Variants in NOTCH4 observed in about 807,000 individuals in gnomAD.
NOTCH4 encodes notch receptor 4.
In NOTCH4, 138 loss-of-function variants were observed where a neutral mutation model predicts 189.0. The observed-to-expected ratio is 0.73, with a 90% CI of 0.64 to 0.84. The LOEUF is 0.84. Ranked by LOEUF, NOTCH4 falls within the 40% of genes least tolerant of loss-of-function variation. NOTCH4 has a pLI of 0.00. For missense variants in NOTCH4, 2,286 were observed against 2,605.4 expected (o/e 0.88, Z 2.67); for synonymous variants, 942 against 1,032.8 (o/e 0.91, Z 1.69).
chr6:32,195,017 G>A lies in NOTCH4; in HGVS notation c.*420C>T, dbSNP rs1211470647. 3.2e-5 allele frequency: 8 copies of A among 253,566 alleles called. No individual in the cohort carries two copies. The highest frequency in any genetic ancestry group is 6.1e-5 in the Non-Finnish European group (8 of 130,744). 15.7% of individuals were successfully genotyped at this position (253,566 alleles called of 1,614,324 possible). On this transcript the variant is annotated 3_prime_UTR_variant, in exon 30 of 30. Coordinates refer to ENST00000375023, the MANE Select transcript of NOTCH4 (RefSeq NM_004557.4). This position sits in a 1 kb window ranked among gnomAD's most constrained non-coding sequence, Gnocchi z 5.4. The stretch of plus-strand genomic sequence containing the variant: ...GGCCACTTTTCAGCACCTACACAGT[G>A]CCTGGCACATAGTAGGTGCCCAATA...
At position 32,202,152 on chromosome 6, in the gene NOTCH4, C is replaced by G. The variant is rs771496870; in HGVS notation, c.3679G>C (p.Gly1227Arg). 3 of 1,518,232 alleles carry G rather than the reference C, an allele frequency of 2.0e-6. No individual in the cohort carries two copies. Among genetic ancestry groups the G allele is most frequent in the Non-Finnish European group, 1.8e-6 (2 of 1,133,420 alleles). The allele number at this position is 1,518,232 out of a possible 1,614,324, so 94.0% of individuals were successfully genotyped here. The change falls in exon 21 of 30, where the codon GGG (glycine) becomes CGG (arginine). Residue 1227 changes from glycine (G) to arginine (R), a missense_variant. Transcript: ENST00000375023. The surrounding 1 kb of genome is among the most constrained non-coding windows in gnomAD (Gnocchi z 5.7). ...HSRCWLLFRDGQCHPQCDSEE... is the reference protein window; with the variant it reads ...HSRCWLLFRDRQCHPQCDSEE... Reference sequence around the variant, plus strand: ...GAGTCACACTGTGGGTGGCACTGCCCGTCCCGGAAGAGAAGCCAGCACCGA... The same window carrying G: ...GAGTCACACTGTGGGTGGCACTGCCGGTCCCGGAAGAGAAGCCAGCACCGA...
rs1788969921 is a variant in NOTCH4 at position 32,210,893 on chromosome 6, G to A, written c.2724C>T (p.Val908=). 4.3e-6 allele frequency: 7 copies of A among 1,610,312 alleles called. No individual in the cohort carries two copies. The highest frequency in any genetic ancestry group is 2.2e-5 in the East Asian group (1 of 44,834). ...GGCAGAAATAGGAGGGGCCGCTGTC[G>A]ACACAGAGGCCTCCATTGTGGCAAA... ...SSLCHNGGLC[V]DSGPSYFCHC... The change falls in exon 18 of 30, where the codon GTC becomes GTT. Residue 908 remains valine, a synonymous_variant. Coordinates refer to ENST00000375023, the MANE Select transcript of NOTCH4 (RefSeq NM_004557.4). The surrounding 1 kb of genome is among the most constrained non-coding windows in gnomAD (Gnocchi z 4.8).
rs762739152 is a variant in NOTCH4 at position 32,197,004 on chromosome 6, C to T, written c.5121G>A (p.Leu1707=). The change falls in exon 28 of 30, where the codon CTG becomes CTA. Residue 1707 remains leucine, a synonymous_variant. Coordinates refer to ENST00000375023, the MANE Select transcript of NOTCH4 (RefSeq NM_004557.4). ...GGTCTTCCACCGCCAGCCTGGCAGCCAGCATCAAGGGTGTGGTCCCGTCCT... is the reference window on the plus strand; with the variant it reads ...GGTCTTCCACCGCCAGCCTGGCAGCTAGCATCAAGGGTGTGGTCCCGTCCT... The part of the protein sequence containing the change: ...RTEDGTTPLM[L]AARLAVEDLV... 146 of 1,612,898 alleles carry T rather than the reference C, an allele frequency of 9.1e-5. No homozygotes were observed. The highest frequency in any genetic ancestry group is 1.2e-4 in the Non-Finnish European group (140 of 1,180,040).
rs755949146 is a variant in NOTCH4, at chr6:32,221,367, A to G, written c.452-42T>C. Reference sequence around the variant, plus strand: ...AGGGAGCCGTTTCTAGCATTGTACGAATTCTAGCCCATCTGAGGTTACCCA... The same window carrying G: ...AGGGAGCCGTTTCTAGCATTGTACGGATTCTAGCCCATCTGAGGTTACCCA... On this transcript the variant is annotated intron_variant, in intron 3 of 29. Transcript: ENST00000375023. This position sits in a 1 kb window ranked among gnomAD's most constrained non-coding sequence, Gnocchi z 4.3. 2 of 1,496,268 alleles carry G rather than the reference A, an allele frequency of 1.3e-6. No individual in the cohort carries two copies. Among genetic ancestry groups the G allele is most frequent in the South Asian group, 2.4e-5 (2 of 83,574 alleles). 92.7% of individuals were successfully genotyped at this position (1,496,268 alleles called of 1,614,324 possible).
Position 32,197,012 on chromosome 6 carries a change from A to C in NOTCH4, c.5113T>G (p.Leu1705Val). 1 of 1,612,908 alleles carries C rather than the reference A, an allele frequency of 6.2e-7. No homozygotes were observed. Among genetic ancestry groups the C allele is most frequent in the Admixed American group, 1.7e-5 (1 of 60,016 alleles). ...DARTEDGTTP[L>V]MLAARLAVED... The stretch of plus-strand genomic sequence containing the variant: ...ACCGCCAGCCTGGCAGCCAGCATCA[A>C]GGGTGTGGTCCCGTCCTCTGTGCGA... Residue 1705 changes from leucine (L) to valine (V), a missense_variant, in exon 28 of 30, where the codon TTG (leucine) becomes GTG (valine). Leu to Val is a conservative substitution (Grantham distance 32). Around this residue, in one of 2 missense-constraint regions of NOTCH4, gnomAD observed 1,903 missense variants for 2,261.9 expected, o/e 0.84. Transcript: ENST00000375023.
Position 32,194,983 on chromosome 6 carries a change from G to C in NOTCH4, c.*454C>G, listed in dbSNP as rs1787759812. The C allele has an allele frequency of 4.2e-6, 1 of 240,006 alleles. No homozygotes were observed. The highest frequency in any genetic ancestry group is 8.1e-6 in the Non-Finnish European group (1 of 122,792). The allele number at this position is 240,006 out of a possible 1,614,324, so 14.9% of individuals were successfully genotyped here. A position where few individuals can be genotyped will look rare whatever the true frequency, so the allele number is the denominator to read the frequency against. On this transcript the variant is annotated 3_prime_UTR_variant, in exon 30 of 30. Transcript: ENST00000375023. This position sits in a 1 kb window ranked among gnomAD's most constrained non-coding sequence, Gnocchi z 4.5. ...GGAATGCAAGGAGTCATCAGCGGGGGTGGCCCTTGGCCACTTTTCAGCACC... is the reference window on the plus strand; with the variant it reads ...GGAATGCAAGGAGTCATCAGCGGGGCTGGCCCTTGGCCACTTTTCAGCACC...
At position 32,195,163 on chromosome 6, in the gene NOTCH4, G is replaced by T; in HGVS notation, c.*274C>A. ...GCCTGCAATTCTTGGTTCCAACTTA[G>T]GGGTATTTCCACTCCACTCTGCCCT... On this transcript the variant is annotated 3_prime_UTR_variant, in exon 30 of 30. Transcript: ENST00000375023. The surrounding 1 kb of genome is among the most constrained non-coding windows in gnomAD (Gnocchi z 5.4). The T allele has an allele frequency of 2.1e-6, 1 of 468,240 alleles. No homozygotes were observed. Among genetic ancestry groups the T allele is most frequent in the Admixed American group, 3.8e-5 (1 of 26,050 alleles). The allele number at this position is 468,240 out of a possible 1,614,324, so 29.0% of individuals were successfully genotyped here.
In NOTCH4 at chr6:32,220,632, C is replaced by G. The variant is rs1789700044; in HGVS notation, c.932G>C (p.Cys311Ser). Residue 311 changes from cysteine to serine, a missense_variant, in exon 6 of 30, where the codon TGC becomes TCC. By Grantham distance (112) the Cys-to-Ser change is moderately radical (BLOSUM62 -1). This residue lies in a region of NOTCH4 where 1,903 missense variants were observed against 2,261.9 expected (regional missense o/e 0.84). Coordinates refer to ENST00000375023, the MANE Select transcript of NOTCH4 (RefSeq NM_004557.4). ...CTCACACTCATCCACATCTTCGGAG[C>G]AGTCCCAGCCTGCAGGGGGTTGGGG... ...LCPETWTGWD[C>S]SEDVDECETQ... is the part of the protein sequence containing the mutation. 6.2e-7 allele frequency: 1 copy of G among 1,613,772 alleles called. No homozygotes were observed. Among genetic ancestry groups the G allele is most frequent in the Non-Finnish European group, 8.5e-7 (1 of 1,179,734 alleles).
rs118183631 is a variant in NOTCH4 at position 32,208,688 on chromosome 6, C to A, written c.2865+2064G>T. Reference sequence around the variant, plus strand: ...GGCAGAGGTTGCAGTGAGCTGAGATCAAGTCACTGTGATCCAGCCTGGGCA... The same window carrying A: ...GGCAGAGGTTGCAGTGAGCTGAGATAAAGTCACTGTGATCCAGCCTGGGCA... On this transcript the variant is annotated intron_variant, in intron 18 of 29. Coordinates refer to ENST00000375023, the MANE Select transcript of NOTCH4 (RefSeq NM_004557.4). Among the ~76,000 whole-genome samples the A allele has an allele frequency of 2.3e-3, 352 of 152,208 alleles. 15 individuals are homozygous for A. In the East Asian group the frequency reaches 0.06, roughly 26 times the overall value.
In NOTCH4 at chr6:32,202,394, C is replaced by A; in HGVS notation, c.3437G>T (p.Cys1146Phe). Residue 1146 changes from cysteine (C) to phenylalanine (F), a missense_variant, in exon 21 of 30, where the codon TGC becomes TTC. Cys to Phe is a radical substitution (Grantham distance 205, BLOSUM62 -2). Coordinates refer to ENST00000375023, the MANE Select transcript of NOTCH4 (RefSeq NM_004557.4). The surrounding 1 kb of genome is among the most constrained non-coding windows in gnomAD (Gnocchi z 5.7). ...PPSPCLYNGS[C>F]SETTGLGGPG... is the part of the protein sequence containing the mutation. The stretch of plus-strand genomic sequence containing the variant: ...GCCCCCCAAGCCCGTGGTCTCTGAG[C>A]AGCTGCCATTGTATAGGCATGGGGA... 1 of 1,612,612 alleles carries A rather than the reference C, an allele frequency of 6.2e-7. No individual in the cohort carries two copies. The highest frequency in any genetic ancestry group is 1.3e-5 in the African/African-American group (1 of 75,048).
Position 32,199,567 on chromosome 6 carries a change from G to A in NOTCH4, c.4316-422C>T, listed in dbSNP as rs1266883353. Among the ~76,000 whole-genome samples the A allele has an allele frequency of 6.6e-6, 1 of 152,118 alleles. No homozygotes were observed. On this transcript the variant is annotated intron_variant, in intron 23 of 29. Transcript: ENST00000375023. This position sits in a 1 kb window ranked among gnomAD's most constrained non-coding sequence, Gnocchi z 4.9. The stretch of plus-strand genomic sequence containing the variant: ...AAAATACAAAAAATTAGCCAGGTGT[G>A]GTGGCGGGCACCTGTAGTCCCAGCT...
chr6:32,198,179 A>T lies in NOTCH4; in HGVS notation c.4756+242T>A, dbSNP rs370183831. On this transcript the variant is annotated intron_variant, in intron 26 of 29. Coordinates refer to ENST00000375023, the MANE Select transcript of NOTCH4 (RefSeq NM_004557.4). This position sits in a 1 kb window ranked among gnomAD's most constrained non-coding sequence, Gnocchi z 5.5. ...ATTCACCTGAAGGGCTTGTTAAAACAGATTGCCTAACATTTTAAATTCCTG... is the reference window on the plus strand; with the variant it reads ...ATTCACCTGAAGGGCTTGTTAAAACTGATTGCCTAACATTTTAAATTCCTG... Among the ~76,000 whole-genome samples, 1 of 152,238 alleles carries T rather than the reference A, an allele frequency of 6.6e-6. No individual in the cohort carries two copies. The highest frequency in any genetic ancestry group is 2.4e-5 in the African/African-American group (1 of 41,460).
At position 32,219,618 on chromosome 6, in the gene NOTCH4, G is replaced by A. The variant is rs767762756; in HGVS notation, c.1484C>T (p.Ala495Val). The A allele has an allele frequency of 8.1e-6, 13 of 1,612,956 alleles. No homozygotes were observed. The highest frequency in any genetic ancestry group is 1.7e-5 in the Admixed American group (1 of 60,010). Reference sequence around the variant, plus strand: ...TGGCGGGCAGAGGCAGTGGAAGGTGGCAAGTAGGTCCAGACAGGTGCTTCC... The same window carrying A: ...TGGCGGGCAGAGGCAGTGGAAGGTGACAAGTAGGTCCAGACAGGTGCTTCC... ...HPGSTCLDLL[A>V]TFHCLCPPGL... The change falls in exon 8 of 30, where the codon GCC (alanine) becomes GTC (valine). Residue 495 changes from alanine to valine, a missense_variant. Around this residue, in one of 2 missense-constraint regions of NOTCH4, gnomAD observed 1,903 missense variants for 2,261.9 expected, o/e 0.84. Coordinates refer to ENST00000375023, the MANE Select transcript of NOTCH4 (RefSeq NM_004557.4).
Position 32,217,087 on chromosome 6 carries a change from T to G in NOTCH4, c.1739-20A>C, listed in dbSNP as rs2127482993. Reference sequence around the variant, plus strand: ...CAAAGCCTGTGGCACAGCAGGAAGGTCAGGGACCTGCACGGATGTCTGCCT... The same window carrying G: ...CAAAGCCTGTGGCACAGCAGGAAGGGCAGGGACCTGCACGGATGTCTGCCT... On this transcript the variant is annotated intron_variant, in intron 10 of 29. Transcript: ENST00000375023. This position sits in a 1 kb window ranked among gnomAD's most constrained non-coding sequence, Gnocchi z 4.2. 1 of 1,613,026 alleles carries G rather than the reference T, an allele frequency of 6.2e-7. No homozygotes were observed.
Position 32,222,804 on chromosome 6 carries a change from C to T in NOTCH4, c.158G>A (p.Cys53Tyr), listed in dbSNP as rs1789871213. ...CGTCTCACCCAGGAAGCCAGGGGCA[C>T]ACCTGGGCAGGGGAGGAGAGGAAAA... is the stretch of plus-strand genomic sequence containing the variant. ...SLSLGQGTCQ[C>Y]APGFLGETCQ... Residue 53 changes from cysteine (C) to tyrosine (Y), a missense_variant and splice_region_variant, in exon 3 of 30, where the codon TGT becomes TAT. Physicochemically the swap from Cys to Tyr is radical, Grantham distance 194. Around this residue, in one of 2 missense-constraint regions of NOTCH4, gnomAD observed 1,903 missense variants for 2,261.9 expected, o/e 0.84. Coordinates refer to ENST00000375023, the MANE Select transcript of NOTCH4 (RefSeq NM_004557.4). 6.2e-7 allele frequency: 1 copy of T among 1,609,498 alleles called. No individual in the cohort carries two copies. The highest frequency in any genetic ancestry group is 1.7e-5 in the Admixed American group (1 of 58,330).
At chr6:32,215,545 A>C (rs1026436452) in intron 11 of NOTCH4, among the ~76,000 whole-genome samples, 160 bp from the exon 12 acceptor site, 25 of 152,138 alleles carry the variant, frequency 1.6e-4, no homozygotes, top group Non-Finnish European at 1.2e-4. Flanking sequence ...ATTGCCTTTA[A>C]GATATTGTTT....
At position 32,212,878 on chromosome 6, in the gene NOTCH4, G is replaced by A. The variant is rs772156724; in HGVS notation, c.2472C>T (p.Ser824=). 2 of 1,555,854 alleles carry A rather than the reference G, an allele frequency of 1.3e-6. No individual in the cohort carries two copies. The highest frequency in any genetic ancestry group is 2.0e-5 in the Admixed American group (1 of 51,190). The change falls in exon 16 of 30, where the codon AGC becomes AGT. Residue 824 remains serine, a synonymous_variant. Transcript: ENST00000375023. The surrounding 1 kb of genome is among the most constrained non-coding windows in gnomAD (Gnocchi z 4.4). ...GGCAGAGGCAGCGGGGACCCTGAGG[G>A]CTGTCCTGGCAGGTTGCCCTATTCC... ...PCRNRATCQD[S]PQGPRCLCPT...
intron 8 of NOTCH4, 150 bp from the exon 9 acceptor site, chr6:32,218,258 A>T: frequency 1.6e-6 from 1 of 641,814 alleles, no homozygotes; most frequent in East Asian, 2.7e-5. Flanking sequence ...ATGAACCCTG[A>T]GGCCCTGCTG....
At position 32,204,260 on chromosome 6, in the gene NOTCH4, C is replaced by T; in HGVS notation, c.2995G>A (p.Val999Met). The T allele has an allele frequency of 6.2e-7, 1 of 1,613,072 alleles. No individual in the cohort carries two copies. Among genetic ancestry groups the T allele is most frequent in the Non-Finnish European group, 8.5e-7 (1 of 1,180,042 alleles). ...ACGTCTCCCTCACAGCGTAGCCCCA[C>T]AAAGCCTGGAGGGCAGGCACAGTGG... ...GFHCACPPGF[V>M]GLRCEGDVDE... Residue 999 changes from valine to methionine, a missense_variant, in exon 19 of 30, where the codon GTG becomes ATG. Around this residue, in one of 2 missense-constraint regions of NOTCH4, gnomAD observed 1,903 missense variants for 2,261.9 expected, o/e 0.84. Transcript: ENST00000375023.
Sources: gnomAD v4.1 joint callset for allele counts (sites outside exome capture counted in the v4.1 genomes callset) on GRCh38, gnomAD v4.1.1 for gene constraint, gnomAD v4.1.1 regional missense constraint, Gnocchi (gnomAD v3.1) non-coding constraint, MANE v1.5 for transcripts, NCBI Gene and HGNC (gene_info 2026-07-23, HGNC 2026-07-21) for gene names.